The following ADGRL3 variants were observed in gnomAD, a reference collection of about 807,000 sequenced individuals.
The protein encoded by ADGRL3 is calcium-independent alpha-latrotoxin receptor 3.
A neutral mutation model predicts 153.5 loss-of-function variants in ADGRL3; 62 were observed. The ratio of observed to expected loss-of-function variants is 0.40; its 90% CI spans 0.33 to 0.50. The LOEUF (loss-of-function observed/expected upper bound fraction) is 0.50. Among genes scored for constraint, ADGRL3 ranks in the 20% least tolerant of loss-of-function variants. The probability of loss-of-function intolerance (pLI) is 0.47; values close to 1 mark genes in which losing one functional copy is unlikely to be tolerated. For synonymous variants in ADGRL3, 710 were observed against 672.5 expected (o/e 1.06, Z -0.86); for missense variants, 1,641 against 1,859.4 (o/e 0.88, Z 2.16).
chr4:61,554,093 T>G (rs920305338), intron 4 of ADGRL3, among the ~76,000 whole-genome samples: 5 of 107,374 alleles, frequency 4.7e-5, no homozygotes, highest in Admixed American at 1.0e-4. Flanking sequence ...GAAATTAGGC[T>G]TGGGCCATTT....
At chr4:61,746,695 C>A (rs1580590151) in intron 8 of ADGRL3, among the ~76,000 whole-genome samples, 1 of 152,202 alleles carries the variant, frequency 6.6e-6, no homozygotes, top group South Asian at 2.1e-4. Flanking sequence ...ATCTCTGGGA[C>A]ATATTCAAAG....
chr4:61,499,673 G>C (rs966280818), intron 3 of ADGRL3, among the ~76,000 whole-genome samples: 5 of 151,650 alleles, frequency 3.3e-5, no homozygotes, highest in Non-Finnish European at 5.9e-5. Context: ...TAACAACCAG[G>C]AATTAGCTAG....
intron 1 of ADGRL3, among the ~76,000 whole-genome samples, chr4:61,264,423 A>T (rs571790652): frequency 4.5e-4 from 69 of 152,162 alleles, no homozygotes; most frequent in African/African-American, 1.7e-3. Flanking sequence ...TCTCAAAGTG[A>T]TTATAAACTT....
chr4:61,534,854 G>A (rs1362062739), intron 4 of ADGRL3, among the ~76,000 whole-genome samples: 1 of 152,010 alleles, frequency 6.6e-6, no homozygotes, highest in East Asian at 1.9e-4. Flanking sequence ...GAGTCTTTAA[G>A]ATTTTATAAG....
chr4:61,390,153 A>T (rs1183669154), intron 2 of ADGRL3, among the ~76,000 whole-genome samples: 1 of 152,170 alleles, frequency 6.6e-6, no homozygotes, highest in East Asian at 1.9e-4. Flanking sequence ...TAGTTATTTT[A>T]AAATAAATGT....
At chr4:61,403,854 G>T (rs28414383) in intron 2 of ADGRL3, among the ~76,000 whole-genome samples, 81,953 of 151,656 alleles carry the variant, frequency 0.54, 24,350 homozygotes, top group Admixed American at 0.7. Context: ...CTGGAGAATT[G>T]GTTGGTGTGA....
chr4:61,391,842 G>T (rs960319269), intron 2 of ADGRL3, among the ~76,000 whole-genome samples: 1 of 147,406 alleles, frequency 6.8e-6, no homozygotes, highest in Non-Finnish European at 1.5e-5. Context: ...AATTATCCAA[G>T]TGAAAAATGC....
chr4:61,881,387 C>CT (rs1472825436), intron 9 of ADGRL3, among the ~76,000 whole-genome samples: 1 of 151,894 alleles, frequency 6.6e-6, no homozygotes, highest in African/African-American at 2.4e-5. Flanking sequence ...TTTTCTTTTT[C>CT]TTTTTTTTGG....
At position 61,987,040 on chromosome 4, in the gene ADGRL3, A is replaced by G. The variant is rs80307753; in HGVS notation, c.3236+3437A>G. On this transcript the variant is annotated intron_variant, in intron 19 of 26. Coordinates refer to ENST00000683033, the MANE Select transcript of ADGRL3 (RefSeq NM_001387552.1). ...CACTCAAAGAATTTCTGTATATAGA[A>G]TTATATGTCTTGTTTCCTATCGTCG... Among the ~76,000 whole-genome samples, 1,516 of 152,054 alleles carry G rather than the reference A, an allele frequency of 1.0e-2. 13 individuals are homozygous for G. Among genetic ancestry groups the G allele is most frequent in the Non-Finnish European group, 0.017 (1,154 of 67,954 alleles).
At chr4:62,041,373 ATTGTT>A (rs1396063367) in intron 24 of ADGRL3, among the ~76,000 whole-genome samples, 1 of 151,960 alleles carries the variant, frequency 6.6e-6, no homozygotes, top group Admixed American at 6.6e-5. Flanking sequence ...CTTTCTCGTA[ATTGTT>A]TTGTCATTTA....
chr4:61,869,965 AGAGAGAGAGAAAGAGAGAGAGAGAGG>A (rs1286021070), intron 9 of ADGRL3, among the ~76,000 whole-genome samples: 154 of 98,258 alleles, frequency 1.6e-3, no homozygotes, highest in Middle Eastern at 9.5e-3. Flanking sequence ...AAAAAAAGAG[AGAGAGAGAGAAAGAGAGAGAGAGAGG>A]GAGAGAGAGA....
At chr4:61,637,317 G>T (rs149940196) in intron 5 of ADGRL3, among the ~76,000 whole-genome samples, 2 of 152,076 alleles carry the variant, frequency 1.3e-5, no homozygotes, top group Non-Finnish European at 2.9e-5. Flanking sequence ...AAATGAAAGC[G>T]GAGACCGGGC....
At chr4:61,561,676 C>T (rs911664469) in intron 4 of ADGRL3, among the ~76,000 whole-genome samples, 2 of 152,076 alleles carry the variant, frequency 1.3e-5, no homozygotes, top group Admixed American at 1.3e-4. Flanking sequence ...TTAGGAAACA[C>T]ACTAACAGTT....
intron 10 of ADGRL3, among the ~76,000 whole-genome samples, chr4:61,894,982 C>T (rs1342032713): frequency 6.6e-6 from 1 of 152,150 alleles, no homozygotes; most frequent in Non-Finnish European, 1.5e-5. Flanking sequence ...CCAGTAGACC[C>T]CAGTTCAAAA....
rs185854750 is a variant in ADGRL3 at position 61,278,842 on chromosome 4, T to C, written c.-240+77077T>C. Among the ~76,000 whole-genome samples the C allele has an allele frequency of 2.0e-5, 3 of 152,256 alleles. No individual in the cohort carries two copies. The South Asian group carries it at 6.2e-4, about 32-fold the overall frequency. On this transcript the variant is annotated intron_variant, in intron 1 of 26. Transcript: ENST00000683033. ...TCAAAGGGCAAAAGAAGCACTTCAG[T>C]AGTAAGAAATGGTTTTGAGCACATA... is the stretch of plus-strand genomic sequence containing the variant.
chr4:61,754,715 C>T (rs542573939), intron 8 of ADGRL3, among the ~76,000 whole-genome samples: 1 of 152,196 alleles, frequency 6.6e-6, no homozygotes, highest in East Asian at 1.9e-4. Context: ...GTGCGCTGCA[C>T]CCATTAACTC....
chr4:61,259,587 C>A (rs919234298), intron 1 of ADGRL3, among the ~76,000 whole-genome samples: 4 of 152,102 alleles, frequency 2.6e-5, no homozygotes, highest in Non-Finnish European at 5.9e-5. Context: ...CTTTTATCCT[C>A]GTAGTGTTTA....
intron 15 of ADGRL3, among the ~76,000 whole-genome samples, chr4:61,937,529 A>T (rs551755434): frequency 1.3e-5 from 2 of 151,560 alleles, no homozygotes; most frequent in Admixed American, 1.3e-4. Context: ...AGTCTTCCCT[A>T]TCTCCTCTAA....
At chr4:61,970,495 C>G (rs1167259411) in intron 17 of ADGRL3, among the ~76,000 whole-genome samples, 2 of 152,012 alleles carry the variant, frequency 1.3e-5, no homozygotes, top group Non-Finnish European at 2.9e-5. Context: ...TAATTCAAAG[C>G]AAGAAGATCG....
Sources: allele counts gnomAD v4.1 joint callset (sites outside exome capture counted in the v4.1 genomes callset), GRCh38; gene constraint gnomAD v4.1.1; transcripts MANE v1.5; gene names NCBI Gene and HGNC (gene_info 2026-07-23, HGNC 2026-07-21).